The following CACNA1A variants were observed in gnomAD, a reference collection of about 807,000 sequenced individuals.
The protein encoded by CACNA1A is calcium voltage-gated channel subunit alpha1 A.
Under a neutral mutation model 262.4 loss-of-function variants are expected in CACNA1A, and 57 were observed. The observed-to-expected ratio is 0.22, with a 90% CI of 0.18 to 0.27. The LOEUF is 0.27. Ranked by LOEUF, CACNA1A falls within the 10% of genes least tolerant of loss-of-function variation. The pLI, the probability that CACNA1A is intolerant of heterozygous loss-of-function variation, is 1.00. For synonymous variants in CACNA1A, 1,431 were observed against 1,419.3 expected (o/e 1.01, Z -0.18); for missense variants, 2,526 against 3,562.8 (o/e 0.71, Z 7.41).
intron 14 of CACNA1A, 127 bp downstream of exon 14, chr19:13,307,993 G>C (rs1290677735): frequency 5.7e-6 from 8 of 1,397,298 alleles, no homozygotes; most frequent in Non-Finnish European, 8.0e-6. Context: ...CCAGGGCCCT[G>C]CCCATTTGGG....
At chr19:13,485,839 T>C (rs1979907423) in intron 1 of CACNA1A, among the ~76,000 whole-genome samples, 1 of 152,154 alleles carries the variant, frequency 6.6e-6, no homozygotes, top group African/African-American at 2.4e-5. Flanking sequence ...GTACAAATCT[T>C]AGTATCCAAC....
At chr19:13,338,311 A>G (rs2058613009) in intron 6 of CACNA1A, among the ~76,000 whole-genome samples, 1 of 152,228 alleles carries the variant, frequency 6.6e-6, no homozygotes, top group African/African-American at 2.4e-5. Context: ...ACTGTTACAT[A>G]TTTGATCTGT....
intron 1 of CACNA1A, among the ~76,000 whole-genome samples, chr19:13,499,700 C>A (rs903533172): frequency 6.6e-6 from 1 of 152,084 alleles, no homozygotes; most frequent in Admixed American, 6.5e-5. Flanking sequence ...GGCTCTGGTG[C>A]CCAAGATAAC....
intron 3 of CACNA1A, among the ~76,000 whole-genome samples, chr19:13,397,973 T>A (rs1233407768): frequency 2.0e-5 from 3 of 152,076 alleles, no homozygotes; most frequent in African/African-American, 7.2e-5. Flanking sequence ...GAATACATTT[T>A]TTTTTTGGCC....
chr19:13,288,042 A>C (rs2144895045), intron 19 of CACNA1A, among the ~76,000 whole-genome samples: 1 of 151,546 alleles, frequency 6.6e-6, no homozygotes, highest in East Asian at 1.9e-4. Context: ...GCCTCAAGTG[A>C]TTCTTCCTCC....
chr19:13,344,343 A>G lies in CACNA1A; in HGVS notation c.979-8434T>C, dbSNP rs536000067. Among the ~76,000 whole-genome samples, 15 of 152,304 alleles carry G rather than the reference A, an allele frequency of 9.8e-5. No individual in the cohort carries two copies. In the South Asian group the frequency reaches 1.7e-3, roughly 17 times the overall value. ...AAGAAAGGTCAAGTTCAAGATCACA[A>G]TCAGCCAATTATTTCCATTCTCTGA... On this transcript the variant is annotated intron_variant, in intron 6 of 46. Coordinates refer to ENST00000360228, the MANE Select transcript of CACNA1A (RefSeq NM_001127222.2).
rs148538352 is a variant in CACNA1A at position 13,474,594 on chromosome 19, G to A, written c.294-19382C>T. Among the ~76,000 whole-genome samples the A allele has an allele frequency of 5.5e-3, 839 of 152,256 alleles. 2 individuals are homozygous for A. Among genetic ancestry groups the A allele is most frequent in the African/African-American group, 0.019 (809 of 41,566 alleles). On this transcript the variant is annotated intron_variant, in intron 1 of 46. Coordinates refer to ENST00000360228, the MANE Select transcript of CACNA1A (RefSeq NM_001127222.2). Reference sequence around the variant, plus strand: ...AGCACTTTGGGAGGCCAAGGCGGGCGGATCACAAGGTCAGGAGTTCGAGAC... The same window carrying A: ...AGCACTTTGGGAGGCCAAGGCGGGCAGATCACAAGGTCAGGAGTTCGAGAC...
chr19:13,461,472 T>A (rs1181198840), intron 1 of CACNA1A, among the ~76,000 whole-genome samples: 2 of 152,212 alleles, frequency 1.3e-5, no homozygotes, highest in Admixed American at 6.5e-5. Flanking sequence ...TCCATGAGCA[T>A]GTTAAGGACA....
At chr19:13,280,968 C>T (rs957547180) in intron 22 of CACNA1A, among the ~76,000 whole-genome samples, 3 of 151,184 alleles carry the variant, frequency 2.0e-5, no homozygotes, top group African/African-American at 7.3e-5. Flanking sequence ...AAAGAATGCC[C>T]ATCAATCCTG....
At chr19:13,441,308 T>A (rs529339364) in intron 3 of CACNA1A, among the ~76,000 whole-genome samples, 1 of 152,120 alleles carries the variant, frequency 6.6e-6, no homozygotes, top group African/African-American at 2.4e-5. Flanking sequence ...CATTTAGAGA[T>A]GCCTGCACAA....
chr19:13,259,718 G>T lies in CACNA1A; in HGVS notation c.4251-17C>A. ...TATTTGCCTCTGCCACAGAGAGTGGGGACTGTTAGTAAATGGGAAAGAGGG... is the reference window on the plus strand; with the variant it reads ...TATTTGCCTCTGCCACAGAGAGTGGTGACTGTTAGTAAATGGGAAAGAGGG... On this transcript the variant is annotated splice_polypyrimidine_tract_variant and intron_variant, in intron 26 of 46. Coordinates refer to ENST00000360228, the MANE Select transcript of CACNA1A (RefSeq NM_001127222.2). 3 of 1,610,014 alleles carry T rather than the reference G, an allele frequency of 1.9e-6. No homozygotes were observed. In the South Asian group the frequency reaches 3.3e-5, roughly 18 times the overall value.
chr19:13,348,784 C>T (rs1032882648), intron 6 of CACNA1A, among the ~76,000 whole-genome samples: 1 of 151,998 alleles, frequency 6.6e-6, no homozygotes, highest in African/African-American at 2.4e-5. Context: ...TGCAGTGAGC[C>T]GAGATCACGC....
rs2144935765 is a variant in CACNA1A at position 13,452,861 on chromosome 19, G to A, written c.539+15C>T. The A allele has an allele frequency of 1.2e-6, 2 of 1,612,170 alleles. No individual in the cohort carries two copies. Among genetic ancestry groups the A allele is most frequent in the East Asian group, 4.5e-5 (2 of 44,862 alleles). On this transcript the variant is annotated intron_variant, in intron 3 of 46. Transcript: ENST00000360228. ...CAGCTAGTTAAATCCAAAGCGTATA[G>A]CACGCGCCACTTACCCCGTTAGCAC... is the stretch of plus-strand genomic sequence containing the variant.
intron 1 of CACNA1A, among the ~76,000 whole-genome samples, chr19:13,501,320 C>T (rs1049506595): frequency 1.3e-5 from 2 of 151,580 alleles, no homozygotes; most frequent in Non-Finnish European, 2.9e-5. Flanking sequence ...GGATTATAGA[C>T]GCACAATACC....
chr19:13,482,004 C>A (rs895601978), intron 1 of CACNA1A, among the ~76,000 whole-genome samples: 1 of 151,988 alleles, frequency 6.6e-6, no homozygotes, highest in Admixed American at 6.6e-5. Context: ...AGCAGAGGAC[C>A]CCACACTCAA....
intron 6 of CACNA1A, among the ~76,000 whole-genome samples, chr19:13,356,411 G>A (rs1473042748): frequency 1.3e-5 from 2 of 152,206 alleles, no homozygotes; most frequent in African/African-American, 4.8e-5. Flanking sequence ...AAGTGGAAGA[G>A]TCGGAAGGAA....
At chr19:13,248,716 G>A (rs564495366) in intron 30 of CACNA1A, among the ~76,000 whole-genome samples, 5 of 152,054 alleles carry the variant, frequency 3.3e-5, no homozygotes, top group Non-Finnish European at 1.5e-5. Flanking sequence ...GATGGTGGGC[G>A]CCTGTAATCC....
rs897351394 is a variant in CACNA1A at position 13,351,825 on chromosome 19, T to G, written c.978+7781A>C. ...ATCTGGCTAATTAAAAAAAAAAATT[T>G]TTTTAAGATGAGTCTTGCTGTGTTT... On this transcript the variant is annotated intron_variant, in intron 6 of 46. Coordinates refer to ENST00000360228, the MANE Select transcript of CACNA1A (RefSeq NM_001127222.2). Among the ~76,000 whole-genome samples the G allele has an allele frequency of 3.9e-5, 6 of 152,066 alleles. 1 individual carries two copies. The highest frequency in any genetic ancestry group is 7.4e-5 in the Non-Finnish European group (5 of 67,974).
At chr19:13,210,870 C>T (rs2054788542) in intron 43 of CACNA1A, 2 of 618,606 alleles carry the variant, frequency 3.2e-6, no homozygotes, top group South Asian at 3.9e-5. Context: ...TGGGCGTCCT[C>T]TATTCCCATG....
Sources: allele counts gnomAD v4.1 joint callset (sites outside exome capture counted in the v4.1 genomes callset), GRCh38; gene constraint gnomAD v4.1.1; transcripts MANE v1.5; gene names NCBI Gene and HGNC (gene_info 2026-07-23, HGNC 2026-07-21).